ELP4: variants seen among roughly 807,000 people sequenced by gnomAD.
ELP4 encodes the protein elongator complex protein 4.
A neutral mutation model predicts 48.9 loss-of-function variants in ELP4; 51 were observed. The observed-to-expected ratio is 1.04, with a 90% CI of 0.83 to 1.32. The LOEUF is 1.32. ELP4 is among the 40% of genes most tolerant of loss of function. The probability of loss-of-function intolerance (pLI) is 0.00; values close to 1 mark genes in which losing one functional copy is unlikely to be tolerated. For missense variants in ELP4, 519 were observed against 514.6 expected (o/e 1.01, Z -0.08); for synonymous variants, 210 against 189.2 (o/e 1.11, Z -0.90).
intron 9 of ELP4, among the ~76,000 whole-genome samples, chr11:31,674,724 G>A (rs899646079): frequency 3.3e-5 from 5 of 152,192 alleles, no homozygotes; most frequent in African/African-American, 7.2e-5. Flanking sequence ...CAGTCTTCAC[G>A]TAAGGGCTGT....
chr11:31,579,861 C>T (rs1957357985), intron 3 of ELP4, among the ~76,000 whole-genome samples: 1 of 151,870 alleles, frequency 6.6e-6, no homozygotes, highest in Admixed American at 6.6e-5. Context: ...GTCCAGCACA[C>T]CAACATGGCA....
intron 1 of ELP4, among the ~76,000 whole-genome samples, chr11:31,513,625 A>G (rs987356980): frequency 6.6e-6 from 1 of 152,090 alleles, no homozygotes; most frequent in African/African-American, 2.4e-5. Flanking sequence ...AAAGGCTTTC[A>G]TATTCTAGTG....
At chr11:31,695,488 T>G (rs1021605550) in intron 9 of ELP4, among the ~76,000 whole-genome samples, 1 of 151,892 alleles carries the variant, frequency 6.6e-6, no homozygotes, top group East Asian at 1.9e-4. Context: ...TGAACCACCC[T>G]TGCATCCTAG....
In ELP4 at chr11:31,711,900, A is replaced by G. The variant is rs1946750220; in HGVS notation, c.1143+61679A>G. ...ATGCAGCTGATGAAAATAAGTATCAATAACCTAAAGATGCATAGTGCTAGA... is the reference window on the plus strand; with the variant it reads ...ATGCAGCTGATGAAAATAAGTATCAGTAACCTAAAGATGCATAGTGCTAGA... On this transcript the variant is annotated intron_variant, in intron 9 of 9. Transcript: ENST00000640961. 2.6e-5 allele frequency among the ~76,000 whole-genome samples: 4 copies of G among 152,164 alleles called. No homozygotes were observed. The South Asian group carries it at 8.3e-4, about 31-fold the overall frequency.
intron 3 of ELP4, among the ~76,000 whole-genome samples, chr11:31,586,046 A>G (rs1957466913): frequency 6.6e-6 from 1 of 152,290 alleles, no homozygotes; most frequent in Middle Eastern, 3.4e-3. Flanking sequence ...AAATGAGAAT[A>G]TGATTACAAT....
Position 31,585,131 on chromosome 11 carries a change from C to T in ELP4, c.382-9639C>T, listed in dbSNP as rs573718777. On this transcript the variant is annotated intron_variant, in intron 3 of 9. Transcript: ENST00000640961. ...AAAAAATCAGTTGTGACAAACAAAA[C>T]AAGAAAAGTCAAGGTTCAACCTAAT... Among the ~76,000 whole-genome samples, 52 of 152,044 alleles carry T rather than the reference C, an allele frequency of 3.4e-4. No individual in the cohort carries two copies. The South Asian group carries it at 0.011, about 32-fold the overall frequency.
intron 9 of ELP4, among the ~76,000 whole-genome samples, chr11:31,676,415 A>G (rs1222695830): frequency 2.0e-5 from 3 of 152,118 alleles, no homozygotes; most frequent in Non-Finnish European, 4.4e-5. Flanking sequence ...TATAATTTTC[A>G]TATCTATTAT....
chr11:31,564,710 A>T (rs1266318725), intron 3 of ELP4, among the ~76,000 whole-genome samples: 1 of 152,138 alleles, frequency 6.6e-6, no homozygotes, highest in Non-Finnish European at 1.5e-5. Context: ...ACATGAACTC[A>T]TCCTTTTTTA....
intron 9 of ELP4, among the ~76,000 whole-genome samples, chr11:31,707,883 A>G (rs1044334739): frequency 6.6e-6 from 1 of 152,050 alleles, no homozygotes; most frequent in South Asian, 2.1e-4. Flanking sequence ...TCCTCCTTTT[A>G]TAAGGACTCT....
chr11:31,721,793 A>G (rs11031460), intron 9 of ELP4, among the ~76,000 whole-genome samples: 42,865 of 152,202 alleles, frequency 0.28, 6,376 homozygotes, highest in African/African-American at 0.37. Flanking sequence ...AAATGTGTAC[A>G]ATTCATAGGC....
At chr11:31,755,436 A>G (rs1592283947) in intron 9 of ELP4, among the ~76,000 whole-genome samples, 1 of 152,252 alleles carries the variant, frequency 6.6e-6, no homozygotes, top group African/African-American at 2.4e-5. Flanking sequence ...TTGACAAAAT[A>G]GTCAAGGTAA....
chr11:31,635,612 A>G (rs1944958565), intron 7 of ELP4, among the ~76,000 whole-genome samples: 1 of 151,980 alleles, frequency 6.6e-6, no homozygotes, highest in South Asian at 2.1e-4. Flanking sequence ...GTCTTAGTCA[A>G]GTCTTAATTT....
At chr11:31,706,151 C>G (rs1398340049) in intron 9 of ELP4, among the ~76,000 whole-genome samples, 1 of 151,840 alleles carries the variant, frequency 6.6e-6, no homozygotes, top group Non-Finnish European at 1.5e-5. Context: ...TGTACATATT[C>G]ATAGGGCACA....
At chr11:31,704,855 A>T (rs1308928226) in intron 9 of ELP4, among the ~76,000 whole-genome samples, 1 of 151,780 alleles carries the variant, frequency 6.6e-6, no homozygotes, top group Non-Finnish European at 1.5e-5. Context: ...TACTAAAAAT[A>T]CAAAAGTTAG....
intron 2 of ELP4, among the ~76,000 whole-genome samples, chr11:31,536,393 C>G (rs927856833): frequency 2.0e-4 from 30 of 152,136 alleles, no homozygotes; most frequent in African/African-American, 7.0e-4. Flanking sequence ...GCTCTGTCAC[C>G]CAGGCTGGAG....
chr11:31,588,904 G>T (rs532784104), intron 3 of ELP4, among the ~76,000 whole-genome samples: 62 of 152,230 alleles, frequency 4.1e-4, no homozygotes, highest in Non-Finnish European at 7.6e-4. Context: ...AATGGCTTGA[G>T]CCCAGGAGGT....
chr11:31,748,012 C>G (rs1217216881), intron 9 of ELP4, among the ~76,000 whole-genome samples: 2 of 151,962 alleles, frequency 1.3e-5, no homozygotes, highest in Non-Finnish European at 2.9e-5. Context: ...TGGACTATGT[C>G]CAAAAAAGAG....
intron 9 of ELP4, among the ~76,000 whole-genome samples, chr11:31,728,869 T>G (rs573260734): frequency 1.3e-5 from 2 of 152,282 alleles, no homozygotes; most frequent in South Asian, 4.1e-4. Context: ...AAAATTAAAG[T>G]TAAGTTGAAA....
chr11:31,781,955 GT>G (rs1948387493), intron 9 of ELP4, among the ~76,000 whole-genome samples: 1 of 152,102 alleles, frequency 6.6e-6, no homozygotes, highest in Non-Finnish European at 1.5e-5. Context: ...TGCTTAATAA[GT>G]GACAGGCTGG....
Sources: gnomAD v4.1 joint callset for allele counts (sites outside exome capture counted in the v4.1 genomes callset) on GRCh38, gnomAD v4.1.1 for gene constraint, MANE v1.5 for transcripts, NCBI Gene and HGNC (gene_info 2026-07-23, HGNC 2026-07-21) for gene names.